The following DLG2 variants were observed in gnomAD, a reference collection of about 807,000 sequenced individuals.
DLG2 encodes the protein disks large homolog 2.
Under a neutral mutation model 132.5 loss-of-function variants are expected in DLG2, and 45 were observed. The ratio of observed to expected loss-of-function variants is 0.34; its 90% CI spans 0.27 to 0.44. The LOEUF (loss-of-function observed/expected upper bound fraction) is 0.44. DLG2 is among the 20% of genes least tolerant of loss of function. The pLI is 1.00. For synonymous variants in DLG2, 424 were observed against 419.6 expected, an observed-to-expected ratio of 1.01 and a Z score of -0.13; for missense variants, 1,045 against 1,196.9, an observed-to-expected ratio of 0.87 and a Z score of 1.87.
In DLG2 at chr11:84,524,928, T is replaced by C. The variant is rs140236770; in HGVS notation, c.519+9642A>G. Among the ~76,000 whole-genome samples the C allele has an allele frequency of 1.6e-3, 238 of 152,116 alleles. 3 individuals carry two copies. The highest frequency in any genetic ancestry group is 1.0e-2 in the Admixed American group (152 of 15,264). On this transcript the variant is annotated intron_variant, in intron 7 of 27. Transcript: ENST00000376104. ...TTGGTCAACACCATCTTAGGCATTG[T>C]AGAGGAACTACAAATTTCTGTATTT...
At chr11:84,883,337 A>C (rs1319163633) in intron 6 of DLG2, among the ~76,000 whole-genome samples, 2 of 152,044 alleles carry the variant, frequency 1.3e-5, no homozygotes, top group South Asian at 4.1e-4. Flanking sequence ...GAGGGATAGC[A>C]TTAAGACAAA....
intron 6 of DLG2, among the ~76,000 whole-genome samples, chr11:84,781,952 T>G (rs1438376805): frequency 6.6e-6 from 1 of 152,064 alleles, no homozygotes; most frequent in African/African-American, 2.4e-5. Context: ...AGAAGCAGAA[T>G]TGAAGCCCAA....
intron 15 of DLG2, among the ~76,000 whole-genome samples, chr11:83,924,486 C>G (rs576888988): frequency 6.6e-6 from 1 of 152,106 alleles, no homozygotes; most frequent in Non-Finnish European, 1.5e-5. Flanking sequence ...AATTTTGAAG[C>G]CTTAATGAAA....
chr11:84,114,234 T>A (rs1173252152), intron 9 of DLG2, among the ~76,000 whole-genome samples: 1 of 152,194 alleles, frequency 6.6e-6, no homozygotes, highest in African/African-American at 2.4e-5. Context: ...GAGCTCTTCA[T>A]GAATTTTAAG....
At chr11:84,807,032 G>A (rs571595186) in intron 6 of DLG2, among the ~76,000 whole-genome samples, 2 of 152,022 alleles carry the variant, frequency 1.3e-5, no homozygotes, top group African/African-American at 4.8e-5. Flanking sequence ...ACAAAAAGGT[G>A]GACCCAAACA....
At chr11:85,489,267 T>G (rs546178211) in intron 3 of DLG2, among the ~76,000 whole-genome samples, 1 of 151,982 alleles carries the variant, frequency 6.6e-6, no homozygotes, top group Admixed American at 6.5e-5. Flanking sequence ...CAAGCAAGAA[T>G]AGCTACACTT....
chr11:84,185,398 T>C (rs2096254857), intron 8 of DLG2, among the ~76,000 whole-genome samples: 1 of 152,190 alleles, frequency 6.6e-6, no homozygotes, highest in South Asian at 2.1e-4. Flanking sequence ...ATAAGAATGC[T>C]TGTGATTTTT....
In DLG2 at chr11:84,218,370, GAGAA is replaced by G. The variant is rs141361637; in HGVS notation, c.573+32864_573+32867del. Among the ~76,000 whole-genome samples, 610 of 108,252 alleles carry G rather than the reference GAGAA, an allele frequency of 5.6e-3. 3 individuals carry two copies. Among genetic ancestry groups the G allele is most frequent in the African/African-American group, 0.026 (554 of 21,520 alleles). The allele number at this position is 108,252 out of a possible 152,430, so 71.0% of individuals were successfully genotyped here. A position where few individuals can be genotyped will look rare whatever the true frequency, so the allele number is the denominator to read the frequency against. On this transcript the variant is annotated intron_variant, in intron 8 of 27. Transcript: ENST00000376104. Reference sequence around the variant, plus strand: ...AAGGAAAGAGAGAGCGAGAGAAAGGGAGAAAGGGAGGGAGGGAGGGAGGGAGGGA... The same window carrying G: ...AAGGAAAGAGAGAGCGAGAGAAAGGGAGGGAGGGAGGGAGGGAGGGAGGGA...
intron 6 of DLG2, among the ~76,000 whole-genome samples, chr11:84,968,285 A>G (rs2053596217): frequency 6.6e-6 from 1 of 152,184 alleles, no homozygotes; most frequent in Non-Finnish European, 1.5e-5. Flanking sequence ...ATTTGTGTAT[A>G]TGTACATGTA....
chr11:83,480,894 T>C (rs1469838160), intron 22 of DLG2, among the ~76,000 whole-genome samples: 1 of 152,106 alleles, frequency 6.6e-6, no homozygotes, highest in Non-Finnish European at 1.5e-5. Context: ...AATTGATCCC[T>C]GGAATCCCTT....
intron 19 of DLG2, among the ~76,000 whole-genome samples, chr11:83,577,989 A>T (rs2096908325): frequency 7.2e-6 from 1 of 138,976 alleles, no homozygotes. Context: ...AAATAAATAT[A>T]TATAATACAT....
intron 9 of DLG2, among the ~76,000 whole-genome samples, chr11:84,133,440 C>T (rs934021200): frequency 4.6e-5 from 7 of 151,828 alleles, no homozygotes; most frequent in African/African-American, 1.5e-4. Context: ...TTTGTACCTG[C>T]TAAATATTTA....
At chr11:85,195,571 G>T (rs912278754) in intron 4 of DLG2, among the ~76,000 whole-genome samples, 2 of 149,096 alleles carry the variant, frequency 1.3e-5, no homozygotes, top group South Asian at 2.1e-4. Context: ...TGGCCCAGGC[G>T]GGAGTGCAGT....
At chr11:84,681,418 T>A (rs2153707828) in intron 6 of DLG2, among the ~76,000 whole-genome samples, 2 of 152,284 alleles carry the variant, frequency 1.3e-5, no homozygotes, top group South Asian at 4.1e-4. Flanking sequence ...CTAACCCAGA[T>A]CAATCTAGCT....
chr11:84,468,103 T>C (rs564773432), intron 7 of DLG2, among the ~76,000 whole-genome samples: 2 of 151,610 alleles, frequency 1.3e-5, no homozygotes, highest in Non-Finnish European at 3.0e-5. Flanking sequence ...AAAAACAAAG[T>C]GCACAATACC....
At chr11:84,777,169 C>T (rs1024486865) in intron 6 of DLG2, among the ~76,000 whole-genome samples, 16 of 151,102 alleles carry the variant, frequency 1.1e-4, no homozygotes, top group African/African-American at 3.9e-4. Flanking sequence ...GTTTGACTTT[C>T]TGTGTTTCAC....
chr11:84,543,860 T>C (rs1219377392), intron 6 of DLG2, among the ~76,000 whole-genome samples: 1 of 152,158 alleles, frequency 6.6e-6, no homozygotes, highest in African/African-American at 2.4e-5. Flanking sequence ...TTCCTGCTTT[T>C]TTTCCACAAA....
At chr11:83,569,612 C>G (rs2096764931) in intron 19 of DLG2, among the ~76,000 whole-genome samples, 1 of 152,112 alleles carries the variant, frequency 6.6e-6, no homozygotes, top group Admixed American at 6.6e-5. Flanking sequence ...ATGATTGTTC[C>G]AGGATATGAT....
intron 21 of DLG2, among the ~76,000 whole-genome samples, chr11:83,504,831 C>A (rs1219796702): frequency 6.6e-6 from 1 of 152,158 alleles, no homozygotes; most frequent in Non-Finnish European, 1.5e-5. Flanking sequence ...ACGTGGCCTT[C>A]TGGAGAACTT....
Sources: allele counts gnomAD v4.1 joint callset (sites outside exome capture counted in the v4.1 genomes callset), GRCh38; gene constraint gnomAD v4.1.1; transcripts MANE v1.5; gene names NCBI Gene and HGNC (gene_info 2026-07-23, HGNC 2026-07-21).